Variants in CSMD1 observed in about 807,000 individuals in gnomAD.
CSMD1 encodes the protein CUB and sushi domain-containing protein 1.
A neutral mutation model predicts 417.5 loss-of-function variants in CSMD1; 213 were observed. The ratio of observed to expected loss-of-function variants is 0.51; its 90% confidence interval spans 0.46 to 0.57. The LOEUF is 0.57. CSMD1 is among the 20% of genes least tolerant of loss of function. The pLI is 0.00. For synonymous variants in CSMD1, 2,862 were observed against 1,736.8 expected, an observed-to-expected ratio of 1.65 and a Z score of -16.11; for missense variants, 6,923 against 4,529.7, an observed-to-expected ratio of 1.53 and a Z score of -15.17.
chr8:3,870,016 C>T (rs1039371907), intron 5 of CSMD1, among the ~76,000 whole-genome samples: 4 of 151,814 alleles, frequency 2.6e-5, no homozygotes, highest in Admixed American at 1.3e-4. Context: ...TAAAGAAATA[C>T]ATTAAACAAA....
rs573110447 is a variant in CSMD1 at position 4,011,947 on chromosome 8, C to T, written c.611-13837G>A. 2.0e-5 allele frequency among the ~76,000 whole-genome samples: 3 copies of T among 152,104 alleles called. No individual in the cohort carries two copies. The South Asian group carries it at 6.2e-4, about 32-fold the overall frequency. On this transcript the variant is annotated intron_variant, in intron 4 of 69. Transcript: ENST00000635120. Reference sequence around the variant, plus strand: ...CATCTTCCCATATACTTTAAATCATCTCTCCATTATTTATAATACCAAATA... The same window carrying T: ...CATCTTCCCATATACTTTAAATCATTTCTCCATTATTTATAATACCAAATA...
At chr8:4,289,626 G>A (rs904398838) in intron 3 of CSMD1, among the ~76,000 whole-genome samples, 1 of 152,182 alleles carries the variant, frequency 6.6e-6, no homozygotes, top group Non-Finnish European at 1.5e-5. Context: ...GTGGGGATCT[G>A]CTGGACGGAG....
At chr8:4,606,203 G>C (rs893624002) in intron 2 of CSMD1, among the ~76,000 whole-genome samples, 2 of 152,154 alleles carry the variant, frequency 1.3e-5, no homozygotes, top group Non-Finnish European at 2.9e-5. Context: ...CACTCAGCAC[G>C]CCTTGCAGGT....
At chr8:4,410,066 G>C (rs1188902875) in intron 3 of CSMD1, among the ~76,000 whole-genome samples, 1 of 152,088 alleles carries the variant, frequency 6.6e-6, no homozygotes, top group Non-Finnish European at 1.5e-5. Context: ...CACCTGCCGT[G>C]GCCTCCCAAA....
intron 14 of CSMD1, among the ~76,000 whole-genome samples, chr8:3,407,205 TG>T (rs1465123542): frequency 1.3e-5 from 2 of 148,412 alleles, no homozygotes; most frequent in Admixed American, 6.7e-5. Context: ...AATGGATGGA[TG>T]GGTGAAATAA....
chr8:4,120,760 C>T (rs938297510), intron 3 of CSMD1, among the ~76,000 whole-genome samples: 1 of 152,174 alleles, frequency 6.6e-6, no homozygotes, highest in Non-Finnish European at 1.5e-5. Context: ...TCTTAGAGGA[C>T]ACCTAGTTAA....
At chr8:4,227,746 C>T (rs749168275) in intron 3 of CSMD1, among the ~76,000 whole-genome samples, 1 of 151,424 alleles carries the variant, frequency 6.6e-6, no homozygotes, top group Admixed American at 6.6e-5. Flanking sequence ...CACCTGGAGA[C>T]ACACCCTCCA....
At chr8:4,226,817 G>A (rs371590057) in intron 3 of CSMD1, among the ~76,000 whole-genome samples, 1 of 152,196 alleles carries the variant, frequency 6.6e-6, no homozygotes, top group Non-Finnish European at 1.5e-5. Flanking sequence ...GTAAAGTTGG[G>A]TTGTTGAAAT....
At chr8:4,977,102 G>C (rs1293270214) in intron 1 of CSMD1, among the ~76,000 whole-genome samples, 1 of 152,136 alleles carries the variant, frequency 6.6e-6, no homozygotes, top group East Asian at 1.9e-4. Flanking sequence ...TCAAGATGGA[G>C]CACATTTATA....
intron 3 of CSMD1, among the ~76,000 whole-genome samples, chr8:4,071,089 C>G (rs536195888): frequency 5.6e-4 from 85 of 152,080 alleles, no homozygotes; most frequent in African/African-American, 1.9e-3. Flanking sequence ...TTGCAGTTAT[C>G]TTTCAGTTTA....
At chr8:4,452,696 T>C (rs1324613647) in intron 2 of CSMD1, among the ~76,000 whole-genome samples, 2 of 152,174 alleles carry the variant, frequency 1.3e-5, no homozygotes, top group Non-Finnish European at 2.9e-5. Flanking sequence ...TAAATCCTGA[T>C]ACTCTCAATT....
At chr8:4,043,747 A>G (rs7834045) in intron 3 of CSMD1, among the ~76,000 whole-genome samples, 41,828 of 152,066 alleles carry the variant, frequency 0.28, 5,903 homozygotes, top group African/African-American at 0.31. Flanking sequence ...GATACTATTG[A>G]TATCTTGCTG....
At chr8:3,745,935 G>T (rs563084274) in intron 6 of CSMD1, among the ~76,000 whole-genome samples, 1 of 152,304 alleles carries the variant, frequency 6.6e-6, no homozygotes, top group East Asian at 1.9e-4. Context: ...GCAGGCCGGG[G>T]GGAAAGGCCA....
intron 69 of CSMD1, among the ~76,000 whole-genome samples, chr8:2,942,096 T>C (rs770026714): frequency 7.2e-5 from 11 of 152,136 alleles, no homozygotes; most frequent in Non-Finnish European, 1.5e-4. Flanking sequence ...GAAAGAGCAT[T>C]GCTCTCACTC....
chr8:3,610,800 G>A (rs562965355), intron 8 of CSMD1, among the ~76,000 whole-genome samples: 1 of 152,154 alleles, frequency 6.6e-6, no homozygotes, highest in East Asian at 1.9e-4. Context: ...TGCCTGGAAA[G>A]GTGGAATTTT....
At chr8:4,354,900 G>GTGTGTGTGTC (rs1177615015) in intron 3 of CSMD1, among the ~76,000 whole-genome samples, 5 of 148,600 alleles carry the variant, frequency 3.4e-5, no homozygotes, top group African/African-American at 1.0e-4. Flanking sequence ...GTGTGTGTGT[G>GTGTGTGTGTC]TGTGTGTGTT....
chr8:3,995,478 G>C (rs1343992400), intron 5 of CSMD1, among the ~76,000 whole-genome samples: 1 of 152,174 alleles, frequency 6.6e-6, no homozygotes, highest in Non-Finnish European at 1.5e-5. Context: ...CTGTAGTCCT[G>C]AAACAGAGAA....
chr8:4,007,654 C>A (rs186178809), intron 4 of CSMD1, among the ~76,000 whole-genome samples: 1 of 152,098 alleles, frequency 6.6e-6, no homozygotes, highest in Non-Finnish European at 1.5e-5. Context: ...AGGAGGCGGC[C>A]TGATAGAAGT....
intron 6 of CSMD1, among the ~76,000 whole-genome samples, chr8:3,709,615 G>T (rs765999760): frequency 2.8e-4 from 42 of 148,390 alleles, no homozygotes; most frequent in Non-Finnish European, 5.9e-5. Context: ...TAGAACAAAA[G>T]GCTGATCTGC....
Sources: allele counts gnomAD v4.1 joint callset (sites outside exome capture counted in the v4.1 genomes callset), GRCh38; gene constraint gnomAD v4.1.1; transcripts MANE v1.5; gene names NCBI Gene and HGNC (gene_info 2026-07-23, HGNC 2026-07-21).